Variants in EXOC4 observed in about 807,000 individuals in gnomAD.
EXOC4 encodes SEC8-like 1.
Under a neutral mutation model 107.2 loss-of-function variants are expected in EXOC4, and 71 were observed. That is an observed-to-expected ratio of 0.66 (90% CI 0.55 to 0.81). The LOEUF is 0.81. Ranked by LOEUF, EXOC4 falls within the 30% of genes least tolerant of loss-of-function variation. The pLI is 0.00. For synonymous variants in EXOC4, 456 were observed against 441.2 expected (o/e 1.03, Z -0.42); for missense variants, 1,108 against 1,189.6 (o/e 0.93, Z 1.01).
intron 11 of EXOC4, among the ~76,000 whole-genome samples, chr7:133,833,802 C>T (rs1015769355): frequency 2.0e-5 from 3 of 152,232 alleles, no homozygotes; most frequent in East Asian, 1.9e-4. Flanking sequence ...TGGGCTCAAG[C>T]GATCAGCTTG....
At chr7:133,839,138 G>T (rs76458637) in intron 11 of EXOC4, among the ~76,000 whole-genome samples, 3,548 of 152,246 alleles carry the variant, frequency 0.023, 72 homozygotes, top group Non-Finnish European at 0.032. Context: ...AAGGTGAGAG[G>T]CATAATGGCT....
chr7:133,926,189 A>G (rs1800048682), intron 13 of EXOC4, among the ~76,000 whole-genome samples: 1 of 152,202 alleles, frequency 6.6e-6, no homozygotes, highest in Non-Finnish European at 1.5e-5. Flanking sequence ...ATATGAGGAA[A>G]CTGAGGTGCA....
intron 7 of EXOC4, among the ~76,000 whole-genome samples, chr7:133,473,187 G>A (rs2150845266): frequency 6.6e-6 from 1 of 152,232 alleles, no homozygotes; most frequent in African/African-American, 2.4e-5. Context: ...GTATAATTTA[G>A]TCCCTGAGTT....
At chr7:133,378,679 A>G (rs1004492249) in intron 7 of EXOC4, among the ~76,000 whole-genome samples, 4 of 152,172 alleles carry the variant, frequency 2.6e-5, no homozygotes, top group Middle Eastern at 3.2e-3. Flanking sequence ...CAATCCCTAG[A>G]GCAAACATTA....
intron 11 of EXOC4, among the ~76,000 whole-genome samples, chr7:133,855,078 TCTAAATATATATAA>T (rs1364809168): frequency 1.1e-5 from 1 of 94,672 alleles, no homozygotes; most frequent in African/African-American, 6.6e-5. Flanking sequence ...TCTAAATATA[TCTAAATATATATAA>T]ATATATATAT....
At chr7:133,793,738 A>G (rs1235999564) in intron 10 of EXOC4, among the ~76,000 whole-genome samples, 1 of 152,102 alleles carries the variant, frequency 6.6e-6, no homozygotes, top group African/African-American at 2.4e-5. Flanking sequence ...CCAGCTACCC[A>G]GGAGGCTGAG....
intron 10 of EXOC4, among the ~76,000 whole-genome samples, chr7:133,728,487 AGT>A (rs773137387): frequency 5.9e-5 from 9 of 152,184 alleles, no homozygotes; most frequent in Non-Finnish European, 1.2e-4. Flanking sequence ...TGAATCAAAG[AGT>A]GTCTTTCCTT....
At chr7:133,762,037 ATAAATGTT>A (rs1796043069) in intron 10 of EXOC4, among the ~76,000 whole-genome samples, 2 of 152,180 alleles carry the variant, frequency 1.3e-5, no homozygotes, top group African/African-American at 4.8e-5. Flanking sequence ...GTCCTTTAAT[ATAAATGTT>A]TAAATGTTTA....
intron 9 of EXOC4, among the ~76,000 whole-genome samples, chr7:133,580,217 A>T (rs1258040787): frequency 6.6e-6 from 1 of 152,190 alleles, no homozygotes; most frequent in Non-Finnish European, 1.5e-5. Flanking sequence ...ATGGACATAT[A>T]CCTTAAATGT....
the EXOC4 span, among the ~76,000 whole-genome samples, chr7:134,097,116 A>G: frequency 6.6e-6 from 1 of 152,196 alleles, no homozygotes; most frequent in Non-Finnish European, 1.5e-5. Context: ...GAGAGTAGCA[A>G]CAATTAAAAT....
At chr7:133,522,148 C>G (rs1225243158) in intron 9 of EXOC4, among the ~76,000 whole-genome samples, 1 of 152,058 alleles carries the variant, frequency 6.6e-6, no homozygotes, top group Non-Finnish European at 1.5e-5. Context: ...AATACCTCTT[C>G]CAAAACAAAC....
intron 9 of EXOC4, among the ~76,000 whole-genome samples, chr7:133,617,993 T>C (rs1802236200): frequency 6.6e-6 from 1 of 152,076 alleles, no homozygotes; most frequent in Non-Finnish European, 1.5e-5. Context: ...CATGCAAACA[T>C]ACACACACAT....
At chr7:133,648,531 C>A (rs1414517709) in intron 10 of EXOC4, among the ~76,000 whole-genome samples, 1 of 152,066 alleles carries the variant, frequency 6.6e-6, no homozygotes, top group Non-Finnish European at 1.5e-5. Context: ...CATATATCCC[C>A]CAATGTACGA....
At chr7:133,990,967 AGTAGT>A (rs1341067806) in intron 14 of EXOC4, among the ~76,000 whole-genome samples, 1 of 152,124 alleles carries the variant, frequency 6.6e-6, no homozygotes, top group Non-Finnish European at 1.5e-5. Flanking sequence ...TGGCTCATAT[AGTAGT>A]ACTATTTTTA....
intron 10 of EXOC4, among the ~76,000 whole-genome samples, chr7:133,793,017 C>T (rs1429890183): frequency 2.0e-5 from 3 of 152,228 alleles, no homozygotes; most frequent in South Asian, 2.1e-4. Flanking sequence ...TGGACAATCA[C>T]CTTGGCTTTT....
At chr7:133,961,789 A>C (rs1296024436) in intron 14 of EXOC4, among the ~76,000 whole-genome samples, 1 of 152,248 alleles carries the variant, frequency 6.6e-6, no homozygotes, top group Admixed American at 6.5e-5. Flanking sequence ...TGGCACAGGC[A>C]GGACTGGAAC....
At chr7:133,400,547 G>T (rs1002825892) in intron 7 of EXOC4, among the ~76,000 whole-genome samples, 3 of 151,944 alleles carry the variant, frequency 2.0e-5, no homozygotes, top group Non-Finnish European at 2.9e-5. Context: ...GATTCTTTTT[G>T]CTTTTCTTTT....
the EXOC4 span, among the ~76,000 whole-genome samples, chr7:134,079,971 C>T: frequency 2.6e-5 from 4 of 152,184 alleles, no homozygotes; most frequent in Admixed American, 6.5e-5. Flanking sequence ...ACTCTGATCA[C>T]GCCAAGATCT....
At chr7:133,781,784 C>T (rs1372007269) in intron 10 of EXOC4, among the ~76,000 whole-genome samples, 2 of 152,222 alleles carry the variant, frequency 1.3e-5, no homozygotes, top group Non-Finnish European at 2.9e-5. Context: ...AGACCCTCAA[C>T]TCCCAATTGT....
Sources: allele counts gnomAD v4.1 joint callset (sites outside exome capture counted in the v4.1 genomes callset), GRCh38; gene constraint gnomAD v4.1.1; transcripts MANE v1.5; gene names NCBI Gene and HGNC (gene_info 2026-07-23, HGNC 2026-07-21).